The following DDI2 variants were observed in gnomAD, a reference collection of about 807,000 sequenced individuals.
The protein encoded by DDI2 is DDI proteasomal shuttling factor 2.
A neutral mutation model predicts 48.1 loss-of-function variants in DDI2; 5 were observed. The ratio of observed to expected loss-of-function variants is 0.10; its 90% CI spans 0.05 to 0.22. DDI2 has a LOEUF of 0.22. Among genes scored for constraint, DDI2 ranks in the 10% least tolerant of loss-of-function variants. The pLI, the probability that DDI2 is intolerant of heterozygous loss-of-function variation, is 1.00. For synonymous variants in DDI2, 205 were observed against 183.6 expected (o/e 1.12, Z -0.94); for missense variants, 285 against 506.2 (o/e 0.56, Z 4.19).
At chr1:15,620,327 T>G (rs1436629076) in intron 1 of DDI2, among the ~76,000 whole-genome samples, 2 of 152,142 alleles carry the variant, frequency 1.3e-5, no homozygotes, top group Non-Finnish European at 2.9e-5. Context: ...AGGAACAGGA[T>G]CCACCCTAGA....
At position 15,661,470 on chromosome 1, in the gene DDI2, C is replaced by G. The variant is rs762096525; in HGVS notation, c.*1680C>G. On this transcript the variant is annotated 3_prime_UTR_variant, in exon 10 of 10. Coordinates refer to ENST00000480945, the MANE Select transcript of DDI2 (RefSeq NM_032341.5). ...AGGGCATACAGAATTCAGTAACAGACAGGCCTGAAACCAGAGAAAATGTCT... is the reference window on the plus strand; with the variant it reads ...AGGGCATACAGAATTCAGTAACAGAGAGGCCTGAAACCAGAGAAAATGTCT... 2 of 1,613,754 alleles carry G rather than the reference C, an allele frequency of 1.2e-6. No individual in the cohort carries two copies. The highest frequency in any genetic ancestry group is 4.5e-5 in the East Asian group (2 of 44,898).
At position 15,663,572 on chromosome 1, in the gene DDI2, C is replaced by A. The variant is rs1206953679; in HGVS notation, c.*3782C>A. The stretch of plus-strand genomic sequence containing the variant: ...TAAGATGTTCTTTTAGACAGCTGCA[C>A]ATTGTAGACCCTTTCACCTGCCCTA... On this transcript the variant is annotated 3_prime_UTR_variant, in exon 10 of 10. Transcript: ENST00000480945. 2 of 152,130 alleles carry A rather than the reference C, an allele frequency of 1.3e-5. No homozygotes were observed. Among genetic ancestry groups the A allele is most frequent in the African/African-American group, 4.8e-5 (2 of 41,428 alleles). The allele number at this position is 152,130 out of a possible 1,614,324, so 9.4% of individuals were successfully genotyped here.
chr1:15,631,429 C>T (rs976277182), intron 3 of DDI2, among the ~76,000 whole-genome samples: 4 of 152,196 alleles, frequency 2.6e-5, no homozygotes, highest in Non-Finnish European at 4.4e-5. Context: ...TTGTAGCCAT[C>T]TTTATGAATC....
At chr1:15,645,067 C>G (rs1205995666) in intron 6 of DDI2, among the ~76,000 whole-genome samples, 1 of 151,994 alleles carries the variant, frequency 6.6e-6, no homozygotes, top group South Asian at 2.1e-4. Flanking sequence ...TTTTTGTATT[C>G]TTAGTAGAGA....
intron 3 of DDI2, among the ~76,000 whole-genome samples, chr1:15,632,142 C>T (rs572833006): frequency 6.6e-6 from 1 of 152,148 alleles, no homozygotes; most frequent in Non-Finnish European, 1.5e-5. Context: ...CTTTTTAGAT[C>T]CATCTGTATT....
intron 5 of DDI2, among the ~76,000 whole-genome samples, chr1:15,642,640 A>T (rs1009749366): frequency 6.6e-6 from 1 of 152,160 alleles, no homozygotes; most frequent in African/African-American, 2.4e-5. Context: ...ACAACTTGAT[A>T]GGGCCAGACA....
intron 3 of DDI2, among the ~76,000 whole-genome samples, chr1:15,632,533 CA>C (rs894678552): frequency 3.3e-5 from 5 of 150,248 alleles, no homozygotes; most frequent in African/African-American, 9.8e-5. Flanking sequence ...AACTCCATCT[CA>C]AAAAAAAAGA....
At position 15,660,852 on chromosome 1, in the gene DDI2, T is replaced by C; in HGVS notation, c.*1062T>C. The C allele has an allele frequency of 6.2e-7, 1 of 1,614,120 alleles. No individual in the cohort carries two copies. On this transcript the variant is annotated 3_prime_UTR_variant, in exon 10 of 10. Coordinates refer to ENST00000480945, the MANE Select transcript of DDI2 (RefSeq NM_032341.5). ...CTGGAACAAATAAAGAATATGGCCATTACTCCTCTCCAAGTCTCTGTGGCA... is the reference window on the plus strand; with the variant it reads ...CTGGAACAAATAAAGAATATGGCCACTACTCCTCTCCAAGTCTCTGTGGCA...
At chr1:15,624,691 A>G (rs1052983351) in intron 1 of DDI2, among the ~76,000 whole-genome samples, 3 of 152,110 alleles carry the variant, frequency 2.0e-5, no homozygotes, top group Admixed American at 6.6e-5. Flanking sequence ...GCTGGTCTCA[A>G]ACTCCAGGGC....
At position 15,660,646 on chromosome 1, in the gene DDI2, A is replaced by G. The variant is rs1274431666; in HGVS notation, c.*856A>G. 3.7e-6 allele frequency: 6 copies of G among 1,614,210 alleles called. No individual in the cohort carries two copies. The highest frequency in any genetic ancestry group is 5.1e-6 in the Non-Finnish European group (6 of 1,180,038). On this transcript the variant is annotated 3_prime_UTR_variant, in exon 10 of 10. Coordinates refer to ENST00000480945, the MANE Select transcript of DDI2 (RefSeq NM_032341.5). ...CGATACAGCTCAACAGTCCCTAGTTACTTTGCTTAATTCAACAGGCAGGCA... is the reference window on the plus strand; with the variant it reads ...CGATACAGCTCAACAGTCCCTAGTTGCTTTGCTTAATTCAACAGGCAGGCA...
At chr1:15,627,745 A>T (rs1639781163) in intron 2 of DDI2, among the ~76,000 whole-genome samples, 1 of 152,210 alleles carries the variant, frequency 6.6e-6, no homozygotes, top group Non-Finnish European at 1.5e-5. Context: ...TTTCTTAAAT[A>T]GTGTTTAGCC....
chr1:15,645,503 G>A (rs1640076875), intron 6 of DDI2, among the ~76,000 whole-genome samples: 1 of 152,124 alleles, frequency 6.6e-6, no homozygotes, highest in African/African-American at 2.4e-5. Flanking sequence ...GTTGGATTTT[G>A]TATTTGTTTG....
At chr1:15,636,673 T>G (rs1639935222) in intron 4 of DDI2, among the ~76,000 whole-genome samples, 1 of 152,214 alleles carries the variant, frequency 6.6e-6, no homozygotes, top group Admixed American at 6.5e-5. Flanking sequence ...TTGCCCAGGC[T>G]GGTGTCAAAC....
intron 5 of DDI2, among the ~76,000 whole-genome samples, chr1:15,639,836 C>T (rs998475384): frequency 6.6e-6 from 1 of 151,854 alleles, no homozygotes; most frequent in Non-Finnish European, 1.5e-5. Context: ...GGGGAAACCT[C>T]GCCTCTACAA....
In DDI2 at chr1:15,667,191, T is replaced by G. The variant is rs1640465840; in HGVS notation, c.*7401T>G. 1 of 143,520 alleles carries G rather than the reference T, an allele frequency of 7.0e-6. No individual in the cohort carries two copies. Among genetic ancestry groups the G allele is most frequent in the African/African-American group, 2.6e-5 (1 of 38,196 alleles). 8.9% of individuals were successfully genotyped at this position (143,520 alleles called of 1,614,324 possible). On this transcript the variant is annotated 3_prime_UTR_variant, in exon 10 of 10. Coordinates refer to ENST00000480945, the MANE Select transcript of DDI2 (RefSeq NM_032341.5). ...CACTGTACTCCAGCCTGGGCAAGAG[T>G]GAGACACCGTCTCAAAAAAAAAAAA...
chr1:15,658,118 T>C (rs547830984), intron 9 of DDI2, among the ~76,000 whole-genome samples: 2 of 152,264 alleles, frequency 1.3e-5, no homozygotes, highest in South Asian at 4.1e-4. Context: ...TGAAGTCATT[T>C]TTGTTACTGA....
At position 15,665,527 on chromosome 1, in the gene DDI2, A is replaced by T. The variant is rs1309523992; in HGVS notation, c.*5737A>T. ...TGGAATCTGCTGGTTGTCTTACTAC[A>T]GCTTTCTATCTCCGGTGAAAGCCAT... On this transcript the variant is annotated 3_prime_UTR_variant, in exon 10 of 10. Transcript: ENST00000480945. The T allele has an allele frequency of 2.6e-5, 4 of 152,152 alleles. No homozygotes were observed. 9.4% of individuals were successfully genotyped at this position (152,152 alleles called of 1,614,324 possible).
chr1:15,641,603 C>G (rs571245548), intron 5 of DDI2, among the ~76,000 whole-genome samples: 2 of 152,116 alleles, frequency 1.3e-5, no homozygotes, highest in East Asian at 3.9e-4. Flanking sequence ...GAAGCCAGAA[C>G]AATTGTCCTT....
chr1:15,660,183 T>G lies in DDI2; in HGVS notation c.*393T>G, dbSNP rs1420393517. The G allele has an allele frequency of 2.5e-6, 4 of 1,614,126 alleles. No homozygotes were observed. In the East Asian group the frequency reaches 8.9e-5, roughly 36 times the overall value. The stretch of plus-strand genomic sequence containing the variant: ...TGCAGAATTCATCCGAAGAAATAAC[T>G]GTTGCAGGTAATCTGGAGAAATCTG... On this transcript the variant is annotated 3_prime_UTR_variant, in exon 10 of 10. Transcript: ENST00000480945.
Sources: allele counts gnomAD v4.1 joint callset (sites outside exome capture counted in the v4.1 genomes callset), GRCh38; gene constraint gnomAD v4.1.1; transcripts MANE v1.5; gene names NCBI Gene and HGNC (gene_info 2026-07-23, HGNC 2026-07-21).